Variants in RTRAF observed in about 807,000 individuals in gnomAD.
The protein encoded by RTRAF is RNA transcription, translation and transport factor, also known as tRNA-splicing ligase complex subunit RTRAF.
RTRAF carries 14 observed loss-of-function variants against 34.4 expected under a neutral mutation model. The ratio of observed to expected loss-of-function variants is 0.41; its 90% CI spans 0.27 to 0.64. RTRAF has a LOEUF of 0.64. RTRAF is among the 30% of genes least tolerant of loss of function. The pLI is 0.34. For synonymous variants in RTRAF, 96 were observed against 95.3 expected (o/e 1.01, Z -0.04); for missense variants, 291 against 288.4 (o/e 1.01, Z -0.06).
chr14:52,006,838 G>C lies in RTRAF; in HGVS notation c.*2322G>C, dbSNP rs1890804624. On this transcript the variant is annotated 3_prime_UTR_variant, in exon 8 of 8. Transcript: ENST00000261700. ...TTACTAGTCTCCAGTTTTTAGTAGA[G>C]ATTCAAACTTTCAATCCTTTTTTGG... The C allele has an allele frequency of 1.9e-6, 1 of 516,656 alleles. No individual in the cohort carries two copies. Among genetic ancestry groups the C allele is most frequent in the Non-Finnish European group, 3.3e-6 (1 of 304,950 alleles). 32.0% of individuals were successfully genotyped at this position (516,656 alleles called of 1,614,324 possible).
At chr14:52,001,154 A>AAAGC (rs1364070709) in intron 5 of RTRAF, among the ~76,000 whole-genome samples, 1 of 152,088 alleles carries the variant, frequency 6.6e-6, no homozygotes, top group African/African-American at 2.4e-5. Flanking sequence ...TTATTTAAAA[A>AAAGC]TTATAGTTTA....
In RTRAF at chr14:51,998,542, A is replaced by G. The variant is rs561626901; in HGVS notation, c.335A>G (p.Asn112Ser). Residue 112 changes from asparagine (N) to serine (S), a missense_variant, in exon 4 of 8, where the codon AAT becomes AGT. Transcript: ENST00000261700. Reference protein sequence around the residue: ...LVPDNSKTADNATKNAEPLIN... With the variant: ...LVPDNSKTADSATKNAEPLIN... ...CCTGATAATTCAAAAACTGCTGACA[A>G]TGCAACTAAAAATGCAGAACCATTG... 25 of 1,592,952 alleles carry G rather than the reference A, an allele frequency of 1.6e-5. 1 individual carries two copies. The South Asian group carries it at 1.6e-4, about 10-fold the overall frequency.
rs2140336303 is a variant in RTRAF at position 52,005,750 on chromosome 14, G to A, written c.*1234G>A. The A allele has an allele frequency of 1.9e-6, 3 of 1,611,924 alleles. No individual in the cohort carries two copies. In the East Asian group the frequency reaches 6.7e-5, roughly 36 times the overall value. ...CATACTTTTTACCTGTTGGGCAGTA[G>A]GGGTAGACTGCAGTTATCCCGTAGA... On this transcript the variant is annotated 3_prime_UTR_variant, in exon 8 of 8. Coordinates refer to ENST00000261700, the MANE Select transcript of RTRAF (RefSeq NM_016039.3).
intron 6 of RTRAF, among the ~76,000 whole-genome samples, chr14:52,002,970 G>A (rs3737272): frequency 0.17 from 26,549 of 152,196 alleles, 2,999 homozygotes; most frequent in East Asian, 0.51. Flanking sequence ...AGAACAGACA[G>A]TAAATTGTTC....
rs529333526 is a variant in RTRAF at position 52,009,818 on chromosome 14, C to T, written c.*5302C>T. The T allele has an allele frequency of 3.9e-5, 6 of 152,234 alleles. No homozygotes were observed. Among genetic ancestry groups the T allele is most frequent in the Non-Finnish European group, 8.8e-5 (6 of 68,198 alleles). The allele number at this position is 152,234 out of a possible 1,614,324, so 9.4% of individuals were successfully genotyped here. A position where few individuals can be genotyped will look rare whatever the true frequency, so the allele number is the denominator to read the frequency against. On this transcript the variant is annotated 3_prime_UTR_variant, in exon 8 of 8. Coordinates refer to ENST00000261700, the MANE Select transcript of RTRAF (RefSeq NM_016039.3). ...GGAGACCAAAATGGCGAAACCCTGT[C>T]TCGACTAAAAATACAAAAATTAGCT... is the stretch of plus-strand genomic sequence containing the variant.
At chr14:51,994,326 T>G (rs1429294577) in intron 3 of RTRAF, among the ~76,000 whole-genome samples, 1 of 152,240 alleles carries the variant, frequency 6.6e-6, no homozygotes, top group Non-Finnish European at 1.5e-5. Flanking sequence ...TTTTCTCTTA[T>G]TAGACCATTT....
chr14:52,003,663 C>G (rs929517385), intron 6 of RTRAF, among the ~76,000 whole-genome samples: 1 of 152,082 alleles, frequency 6.6e-6, no homozygotes, highest in African/African-American at 2.4e-5. Context: ...TTTTCCTAGA[C>G]TGTTTGTTTC....
In RTRAF at chr14:52,006,400, G is replaced by T; in HGVS notation, c.*1884G>T. ...AAAACATCCTTGAAGGATCTTATCTGCCAATGAGGAGGTGATGAAACAAAA... is the reference window on the plus strand; with the variant it reads ...AAAACATCCTTGAAGGATCTTATCTTCCAATGAGGAGGTGATGAAACAAAA... On this transcript the variant is annotated 3_prime_UTR_variant, in exon 8 of 8. Coordinates refer to ENST00000261700, the MANE Select transcript of RTRAF (RefSeq NM_016039.3). 2 of 859,596 alleles carry T rather than the reference G, an allele frequency of 2.3e-6. No individual in the cohort carries two copies. The highest frequency in any genetic ancestry group is 1.7e-5 in the South Asian group (1 of 58,268). The allele number at this position is 859,596 out of a possible 1,614,324, so 53.2% of individuals were successfully genotyped here.
Position 51,998,782 on chromosome 14 carries a change from GTTGAT to G in RTRAF, c.373+211_373+215del, listed in dbSNP as rs377301246. ...TCCCCTTGCATTTGAATATCTGAAT[GTTGAT>G]TTGATTTGCTTCTAGTAATTTGGAG... On this transcript the variant is annotated intron_variant, in intron 4 of 7. Coordinates refer to ENST00000261700, the MANE Select transcript of RTRAF (RefSeq NM_016039.3). Among the ~76,000 whole-genome samples the G allele has an allele frequency of 7.8e-3, 1,187 of 151,980 alleles. 7 individuals are homozygous for G. Among genetic ancestry groups the G allele is most frequent in the Non-Finnish European group, 0.012 (823 of 67,818 alleles).
chr14:52,003,586 G>T (rs1202274159), intron 6 of RTRAF, among the ~76,000 whole-genome samples: 2 of 152,182 alleles, frequency 1.3e-5, no homozygotes, highest in East Asian at 3.8e-4. Context: ...TTGTTTCTGT[G>T]AAGTTTGGCA....
chr14:52,002,959 T>C (rs1318582255), intron 6 of RTRAF, among the ~76,000 whole-genome samples: 1 of 152,224 alleles, frequency 6.6e-6, no homozygotes, highest in African/African-American at 2.4e-5. Flanking sequence ...ACCCTCCCTA[T>C]AGAACAGACA....
rs1321927221 is a variant in RTRAF, at chr14:52,006,900, C to T, written c.*2384C>T. ...GCATTTACTGAAATCTGGTAAGTTT[C>T]TGCCAAAGTAGGGCATTAAACATAA... On this transcript the variant is annotated 3_prime_UTR_variant, in exon 8 of 8. Coordinates refer to ENST00000261700, the MANE Select transcript of RTRAF (RefSeq NM_016039.3). 2.9e-6 allele frequency: 1 copy of T among 344,178 alleles called. No homozygotes were observed. Among genetic ancestry groups the T allele is most frequent in the African/African-American group, 2.1e-5 (1 of 47,802 alleles). 21.3% of individuals were successfully genotyped at this position (344,178 alleles called of 1,614,324 possible).
intron 1 of RTRAF, 40 bp from the exon 2 acceptor site, chr14:51,991,277 G>A: frequency 1.9e-6 from 3 of 1,588,998 alleles, no homozygotes; most frequent in East Asian, 2.2e-5. Context: ...GGTATTTTAT[G>A]TAGTGCTTCT....
intron 1 of RTRAF, 44 bp downstream of exon 1, chr14:51,989,744 C>T (rs1890395297): frequency 5.1e-6 from 8 of 1,560,826 alleles, no homozygotes; most frequent in Non-Finnish European, 6.9e-6. Context: ...CTGACCTGGG[C>T]GGAGGTCCCA....
chr14:51,999,561 T>G (rs1017539639), intron 4 of RTRAF, 147 bp from the exon 5 acceptor site: 3 of 566,552 alleles, frequency 5.3e-6, no homozygotes, highest in Non-Finnish European at 6.2e-6. Flanking sequence ...TACAGGGCTT[T>G]CTTTTTTCTC....
At position 51,989,632 on chromosome 14, in the gene RTRAF, C is replaced by G. The variant is rs763217896; in HGVS notation, c.-8C>G. ...AGGCCCGGGGGACCAGAGCGAGAAG[C>G]GGGGACCATGTTCCGACGCAAGTTG... On this transcript the variant is annotated 5_prime_UTR_variant, in exon 1 of 8. Transcript: ENST00000261700. The G allele has an allele frequency of 5.6e-6, 9 of 1,600,934 alleles. No individual in the cohort carries two copies. The highest frequency in any genetic ancestry group is 1.7e-4 in the Middle Eastern group (1 of 6,046).
Position 51,993,751 on chromosome 14 carries a change from A to G in RTRAF, c.215A>G (p.Lys72Arg), listed in dbSNP as rs1890473307. The G allele has an allele frequency of 2.5e-6, 4 of 1,602,882 alleles. No homozygotes were observed. The highest frequency in any genetic ancestry group is 3.4e-6 in the Non-Finnish European group (4 of 1,175,616). The change falls in exon 3 of 8, where the codon AAG becomes AGG. Residue 72 changes from lysine to arginine, a missense_variant. Coordinates refer to ENST00000261700, the MANE Select transcript of RTRAF (RefSeq NM_016039.3). ...KYLRDVNCPF[K>R]IQDRQEAIDW... ...CTCAGAGATGTTAACTGTCCTTTCAAGATTCAAGATCGACAAGAAGCTATT... is the reference window on the plus strand; with the variant it reads ...CTCAGAGATGTTAACTGTCCTTTCAGGATTCAAGATCGACAAGAAGCTATT...
At position 52,004,571 on chromosome 14, in the gene RTRAF, T is replaced by TCTGGCATGTTTG; in HGVS notation, c.*56_*67dup. On this transcript the variant is annotated 3_prime_UTR_variant, in exon 8 of 8. Coordinates refer to ENST00000261700, the MANE Select transcript of RTRAF (RefSeq NM_016039.3). The stretch of plus-strand genomic sequence containing the variant: ...TTAGTACAGTTGGGAACCATACACT[T>TCTGGCATGTTTG]CTGGCATGTTTGGAAATCAAAATGT... The TCTGGCATGTTTG allele has an allele frequency of 6.7e-7, 1 of 1,493,716 alleles. No homozygotes were observed. 92.5% of individuals were successfully genotyped at this position (1,493,716 alleles called of 1,614,324 possible). A position where few individuals can be genotyped will look rare whatever the true frequency, so the allele number is the denominator to read the frequency against.
intron 6 of RTRAF, 159 bp from the exon 7 acceptor site, chr14:52,004,035 A>G (rs573118635): frequency 1.9e-5 from 13 of 668,842 alleles, no homozygotes; most frequent in Non-Finnish European, 3.4e-5. Context: ...GCTAATCACA[A>G]TCATCACAAA....
Sources: gnomAD v4.1 joint callset for allele counts (sites outside exome capture counted in the v4.1 genomes callset) on GRCh38, gnomAD v4.1.1 for gene constraint, MANE v1.5 for transcripts, NCBI Gene and HGNC (gene_info 2026-07-23, HGNC 2026-07-21) for gene names.